Variants in ZBBX observed in about 807,000 individuals in gnomAD.
The protein encoded by ZBBX is zinc finger B-box domain containing.
ZBBX carries 101 observed loss-of-function variants against 108.5 expected under a neutral mutation model. That is an observed-to-expected ratio of 0.93 (90% CI 0.79 to 1.10). ZBBX has a LOEUF of 1.10. Among genes scored for constraint, ZBBX ranks in the 50% least tolerant of loss-of-function variants. The pLI, the probability that ZBBX is intolerant of heterozygous loss-of-function variation, is 0.00. For missense variants in ZBBX, 1,009 were observed against 941.4 expected, an observed-to-expected ratio of 1.07 and a Z score of -0.94; for synonymous variants, 356 against 323.4, an observed-to-expected ratio of 1.10 and a Z score of -1.08.
chr3:167,369,088 T>C (rs890888475), intron 4 of ZBBX, among the ~76,000 whole-genome samples: 1 of 152,178 alleles, frequency 6.6e-6, no homozygotes, highest in Non-Finnish European at 1.5e-5. Flanking sequence ...CTATTAAGAA[T>C]AAAGCCCCTA....
At chr3:167,399,838 T>C (rs939870607) in intron 1 of ZBBX, among the ~76,000 whole-genome samples, 3 of 152,058 alleles carry the variant, frequency 2.0e-5, no homozygotes, top group African/African-American at 7.2e-5. Flanking sequence ...CAATAGGTAG[T>C]TTTTCTAGCC....
chr3:167,394,834 C>A (rs139816307), intron 1 of ZBBX, among the ~76,000 whole-genome samples: 3 of 152,154 alleles, frequency 2.0e-5, no homozygotes, highest in South Asian at 4.1e-4. Context: ...CTGATTTAGT[C>A]GATCCGAGGT....
chr3:167,268,692 G>A (rs929358660), intron 20 of ZBBX, among the ~76,000 whole-genome samples: 4 of 152,012 alleles, frequency 2.6e-5, no homozygotes, highest in African/African-American at 9.7e-5. Context: ...ACTAAGAGTT[G>A]GCCAGATATT....
the ZBBX span, among the ~76,000 whole-genome samples, chr3:167,201,566 T>C: frequency 1.3e-5 from 2 of 152,152 alleles, no homozygotes; most frequent in Non-Finnish European, 2.9e-5. Flanking sequence ...TTATTTGTTT[T>C]AGGTTATGCT....
chr3:167,405,104 A>C (rs1248903986), intron 1 of ZBBX, among the ~76,000 whole-genome samples: 3 of 152,222 alleles, frequency 2.0e-5, no homozygotes, highest in Non-Finnish European at 4.4e-5. Flanking sequence ...AAGAAGAAGC[A>C]CATCTGAGAG....
At chr3:167,344,818 A>G (rs1322452307) in intron 9 of ZBBX, among the ~76,000 whole-genome samples, 1 of 151,812 alleles carries the variant, frequency 6.6e-6, no homozygotes, top group Non-Finnish European at 1.5e-5. Flanking sequence ...TCTTCCTTCA[A>G]GTATGTATAG....
intron 20 of ZBBX, among the ~76,000 whole-genome samples, chr3:167,270,878 A>G (rs1163851999): frequency 1.3e-5 from 2 of 152,232 alleles, no homozygotes; most frequent in Non-Finnish European, 2.9e-5. Context: ...ATCCAACTCT[A>G]AACAGGGAGC....
At chr3:167,253,339 G>T (rs1250910296) in intron 20 of ZBBX, among the ~76,000 whole-genome samples, 1 of 152,122 alleles carries the variant, frequency 6.6e-6, no homozygotes, top group East Asian at 1.9e-4. Context: ...AGGGAGAAAA[G>T]TAGGTGAAAA....
chr3:167,215,760 G>A, the ZBBX span, among the ~76,000 whole-genome samples: 2 of 151,978 alleles, frequency 1.3e-5, no homozygotes, highest in African/African-American at 4.8e-5. Context: ...ATCCAGCAGC[G>A]CATCACAAAG....
At chr3:167,304,301 C>T (rs1445122599) in intron 17 of ZBBX, among the ~76,000 whole-genome samples, 1 of 152,128 alleles carries the variant, frequency 6.6e-6, no homozygotes, top group Non-Finnish European at 1.5e-5. Context: ...GGTCAGGATT[C>T]CTCACTTATT....
intron 20 of ZBBX, among the ~76,000 whole-genome samples, chr3:167,267,915 T>TGGATCCTGCCCC (rs1234702587): frequency 2.0e-5 from 3 of 150,486 alleles, no homozygotes; most frequent in Admixed American, 2.0e-4. Flanking sequence ...GCTGCTGCCC[T>TGGATCCTGCCCC]GGATCCTGCC....
At chr3:167,338,971 T>A (rs1242746568) in intron 9 of ZBBX, among the ~76,000 whole-genome samples, 5 of 152,058 alleles carry the variant, frequency 3.3e-5, no homozygotes, top group Non-Finnish European at 7.4e-5. Context: ...TCTATAAATC[T>A]TTTTTTGGCC....
At chr3:167,322,329 G>A in intron 11 of ZBBX, 92 bp from the exon 12 acceptor site, 1 of 1,099,168 alleles carries the variant, frequency 9.1e-7, no homozygotes, top group Non-Finnish European at 1.2e-6. Flanking sequence ...TCATTTTTGG[G>A]GCATATATGC....
chr3:167,274,911 C>A (rs1031173635), intron 20 of ZBBX, among the ~76,000 whole-genome samples: 1 of 152,142 alleles, frequency 6.6e-6, no homozygotes, highest in Admixed American at 6.5e-5. Flanking sequence ...GCACTTGTGA[C>A]CTTGTTTGAC....
At chr3:167,349,170 G>A (rs942287954) in intron 9 of ZBBX, among the ~76,000 whole-genome samples, 10 of 152,042 alleles carry the variant, frequency 6.6e-5, no homozygotes, top group Non-Finnish European at 1.2e-4. Context: ...AGGGCTTAAC[G>A]TCACTGAGTG....
intron 8 of ZBBX, among the ~76,000 whole-genome samples, chr3:167,354,734 T>C (rs927279490): frequency 1.3e-5 from 2 of 151,918 alleles, no homozygotes; most frequent in Admixed American, 1.3e-4. Context: ...TTAAGTGAAT[T>C]TTTCCTAAAC....
chr3:167,286,225 G>A (rs1476193400), intron 19 of ZBBX, among the ~76,000 whole-genome samples: 1 of 152,106 alleles, frequency 6.6e-6, no homozygotes, highest in Admixed American at 6.6e-5. Context: ...TAAGAGAGTG[G>A]CTTAAGAACA....
chr3:167,245,518 T>C (rs187818205), intron 20 of ZBBX, among the ~76,000 whole-genome samples: 12 of 152,140 alleles, frequency 7.9e-5, no homozygotes, highest in African/African-American at 1.4e-4. Flanking sequence ...AGTGGTGATA[T>C]GGTTTGGATT....
intron 5 of ZBBX, chr3:167,367,046 T>A: frequency 2.8e-6 from 1 of 359,916 alleles, no homozygotes; most frequent in East Asian, 7.3e-5. Flanking sequence ...ACTGAAAGTA[T>A]AATGAACACA....
Sources: allele counts gnomAD v4.1 joint callset (sites outside exome capture counted in the v4.1 genomes callset), GRCh38; gene constraint gnomAD v4.1.1; transcripts MANE v1.5; gene names NCBI Gene and HGNC (gene_info 2026-07-23, HGNC 2026-07-21).